OGDH: variants seen among roughly 807,000 people sequenced by gnomAD.
OGDH encodes the protein 2-oxoglutarate dehydrogenase complex component E1.
Under a neutral mutation model 116.6 loss-of-function variants are expected in OGDH, and 38 were observed. The ratio of observed to expected loss-of-function variants is 0.33; its 90% CI spans 0.25 to 0.43. The LOEUF is 0.43. OGDH is among the 20% of genes least tolerant of loss of function. The pLI is 1.00. For missense variants in OGDH, 825 were observed against 1,357.2 expected (o/e 0.61, Z 6.16); for synonymous variants, 488 against 533.3 (o/e 0.92, Z 1.17).
rs893791736 is a variant in OGDH, at chr7:44,708,776, T to G, written c.*777T>G. 6.6e-6 allele frequency: 1 copy of G among 151,970 alleles called. No homozygotes were observed. The highest frequency in any genetic ancestry group is 2.4e-5 in the African/African-American group (1 of 41,346). The allele number at this position is 151,970 out of a possible 1,614,324, so 9.4% of individuals were successfully genotyped here. ...GTCTTGGTCCTGTTAACCCTCCACC[T>G]CCTCTCTTGGACTCCCTCCCCACCC... is the stretch of plus-strand genomic sequence containing the variant. On this transcript the variant is annotated 3_prime_UTR_variant, in exon 23 of 23. Coordinates refer to ENST00000222673, the MANE Select transcript of OGDH (RefSeq NM_002541.4).
At chr7:44,660,923 TACACACACACGCGCGTGTGCAC>T (rs1786909554) in intron 4 of OGDH, among the ~76,000 whole-genome samples, 2 of 151,944 alleles carry the variant, frequency 1.3e-5, no homozygotes, top group South Asian at 4.2e-4. Flanking sequence ...ATCTGTAAAC[TACACACACACGCGCGTGTGCAC>T]ACACACACAC....
intron 2 of OGDH, among the ~76,000 whole-genome samples, chr7:44,636,931 T>TG (rs3068313): frequency 4.6e-5 from 7 of 151,892 alleles, no homozygotes; most frequent in South Asian, 2.1e-4. Flanking sequence ...GTGAGTGGGG[T>TG]GGGGGGGCAC....
At chr7:44,615,825 C>T (rs78338869) in intron 1 of OGDH, among the ~76,000 whole-genome samples, 15,624 of 152,008 alleles carry the variant, frequency 0.1, 1,575 homozygotes, top group East Asian at 0.44. Flanking sequence ...GTCAGGAGTT[C>T]GAGGCCACCC....
intron 5 of OGDH, among the ~76,000 whole-genome samples, chr7:44,672,931 G>A (rs765180886): frequency 2.0e-5 from 3 of 151,998 alleles, no homozygotes; most frequent in Non-Finnish European, 4.4e-5. Flanking sequence ...GTGAGCCACC[G>A]CGCCTGGCCC....
At chr7:44,681,966 A>G in intron 10 of OGDH, 118 bp downstream of exon 10, 1 of 1,377,726 alleles carries the variant, frequency 7.3e-7, no homozygotes. Flanking sequence ...GTTATTAAAA[A>G]CCAGGTGCAG....
At chr7:44,681,968 C>A (rs1585356309) in intron 10 of OGDH, 120 bp downstream of exon 10, 1 of 1,320,990 alleles carries the variant, frequency 7.6e-7, no homozygotes. Context: ...TATTAAAAAC[C>A]AGGTGCAGTG....
intron 10 of OGDH, among the ~76,000 whole-genome samples, chr7:44,683,665 C>T (rs1267434124): frequency 4.6e-5 from 7 of 152,208 alleles, no homozygotes; most frequent in Non-Finnish European, 1.0e-4. Context: ...CATATCATTA[C>T]GTACCCTTTT....
At chr7:44,666,678 T>C in intron 4 of OGDH, 58 bp from the exon 5 acceptor site, 1 of 941,700 alleles carries the variant, frequency 1.1e-6, no homozygotes, top group Non-Finnish European at 1.6e-6. Context: ...CTGTGGTCCC[T>C]GCATGGCTGT....
chr7:44,642,164 C>G (rs1785971798), intron 2 of OGDH, among the ~76,000 whole-genome samples: 1 of 152,186 alleles, frequency 6.6e-6, no homozygotes, highest in South Asian at 2.1e-4. Context: ...GCCTATAATC[C>G]TTGCACTTTG....
chr7:44,677,301 A>G (rs997456084), intron 9 of OGDH, among the ~76,000 whole-genome samples: 3 of 152,188 alleles, frequency 2.0e-5, no homozygotes, highest in Non-Finnish European at 4.4e-5. Context: ...ACACGGCATG[A>G]TAGGAAACTG....
chr7:44,639,720 A>T lies in OGDH; in HGVS notation c.223-5607A>T, dbSNP rs1357654499. Among the ~76,000 whole-genome samples the T allele has an allele frequency of 2.0e-5, 3 of 152,092 alleles. No individual in the cohort carries two copies. The South Asian group carries it at 6.2e-4, about 32-fold the overall frequency. ...TGTGGGGGCTCACCCAGTCCTGGAG[A>T]CAGAATGGGCTCTTTGTCTGAAGGT... On this transcript the variant is annotated intron_variant, in intron 2 of 22. Transcript: ENST00000222673.
chr7:44,616,809 A>G (rs1332394773), intron 1 of OGDH, among the ~76,000 whole-genome samples: 1 of 34,044 alleles, frequency 2.9e-5, no homozygotes, highest in East Asian at 2.6e-3. Context: ...ATATATATGC[A>G]TATATACGTA....
intron 20 of OGDH, among the ~76,000 whole-genome samples, chr7:44,703,144 G>C (rs1312804067): frequency 3.3e-5 from 5 of 152,094 alleles, no homozygotes; most frequent in Admixed American, 6.6e-5. Context: ...AGCCAGGCAT[G>C]GTGGCTCATG....
intron 4 of OGDH, among the ~76,000 whole-genome samples, chr7:44,654,018 T>C (rs1304799309): frequency 6.6e-6 from 1 of 151,740 alleles, no homozygotes; most frequent in East Asian, 1.9e-4. Flanking sequence ...CTATGCCTGG[T>C]TAATTTTTGT....
rs147356392 is a variant in OGDH at position 44,653,094 on chromosome 7, T to C, written c.517+5335T>C. ...CTTGCTGTTGTTTGGTTTTTTTTAA[T>C]TATTATTTTTGTTTTTTGAGACAGA... On this transcript the variant is annotated intron_variant, in intron 4 of 22. Transcript: ENST00000222673. Among the ~76,000 whole-genome samples, 834 of 152,198 alleles carry C rather than the reference T, an allele frequency of 5.5e-3. 8 individuals carry two copies. The highest frequency in any genetic ancestry group is 0.019 in the African/African-American group (793 of 41,516).
chr7:44,679,917 C>T (rs1267548314), intron 9 of OGDH, among the ~76,000 whole-genome samples: 2 of 152,154 alleles, frequency 1.3e-5, no homozygotes, highest in African/African-American at 4.8e-5. Flanking sequence ...TCCTTAAAAA[C>T]CCATCTTTCT....
At chr7:44,664,937 T>C (rs1486088344) in intron 4 of OGDH, among the ~76,000 whole-genome samples, 1 of 152,216 alleles carries the variant, frequency 6.6e-6, no homozygotes, top group Non-Finnish European at 1.5e-5. Flanking sequence ...ACAGGGTCCA[T>C]GCTGAAAGAC....
intron 19 of OGDH, among the ~76,000 whole-genome samples, chr7:44,701,291 T>C (rs754475740): frequency 3.3e-5 from 5 of 152,076 alleles, no homozygotes; most frequent in East Asian, 3.9e-4. Context: ...GAAGGGAGTA[T>C]TGGGAGTCCG....
chr7:44,708,027 G>T lies in OGDH; in HGVS notation c.*28G>T. On this transcript the variant is annotated 3_prime_UTR_variant, in exon 23 of 23. Transcript: ENST00000222673. The stretch of plus-strand genomic sequence containing the variant: ...GCTGCCTAGGGTTGCTTGGGCCACT[G>T]CCCTCTCCACACCCATGACTGCCCC... The T allele has an allele frequency of 6.2e-7, 1 of 1,606,056 alleles. No homozygotes were observed. The highest frequency in any genetic ancestry group is 8.5e-7 in the Non-Finnish European group (1 of 1,177,790).
Sources: allele counts gnomAD v4.1 joint callset (sites outside exome capture counted in the v4.1 genomes callset), GRCh38; gene constraint gnomAD v4.1.1; transcripts MANE v1.5; gene names NCBI Gene and HGNC (gene_info 2026-07-23, HGNC 2026-07-21).